The following KCNJ16 variants were observed in gnomAD, a reference collection of about 807,000 sequenced individuals.
KCNJ16 encodes the protein inward rectifier potassium channel 16.
A neutral mutation model predicts 18.5 loss-of-function variants in KCNJ16; 15 were observed. That is an observed-to-expected ratio of 0.81 (90% CI 0.54 to 1.25). The LOEUF is 1.25. Ranked by LOEUF, KCNJ16 falls within the 50% of genes most tolerant of loss-of-function variation. The pLI, the probability that KCNJ16 is intolerant of heterozygous loss-of-function variation, is 0.00. For synonymous variants in KCNJ16, 174 were observed against 186.5 expected, an observed-to-expected ratio of 0.93 and a Z score of 0.55; for missense variants, 523 against 525.7, an observed-to-expected ratio of 0.99 and a Z score of 0.05.
intron 2 of KCNJ16, among the ~76,000 whole-genome samples, chr17:70,107,886 C>G (rs1282127486): frequency 6.6e-6 from 1 of 152,060 alleles, no homozygotes; most frequent in African/African-American, 2.4e-5. Context: ...TCAGAGTTTT[C>G]TAGTTCAACC....
intron 1 of KCNJ16, among the ~76,000 whole-genome samples, chr17:70,082,745 T>C (rs2158970): frequency 0.85 from 129,961 of 152,096 alleles, 55,635 homozygotes; most frequent in East Asian, 0.99. Flanking sequence ...CACACCTGGA[T>C]AGAGTGCTTA....
At chr17:70,095,261 T>C (rs1418211686) in intron 1 of KCNJ16, among the ~76,000 whole-genome samples, 1 of 62,294 alleles carries the variant, frequency 1.6e-5, no homozygotes, top group Non-Finnish European at 3.5e-5. Context: ...GGCCAGACCA[T>C]GTAAGACAAA....
chr17:70,103,043 T>C (rs1598126577), intron 2 of KCNJ16, among the ~76,000 whole-genome samples: 1 of 150,622 alleles, frequency 6.6e-6, no homozygotes, highest in East Asian at 1.9e-4. Context: ...CAAGTGATCC[T>C]GCCACCTTAG....
rs186397813 is a variant in KCNJ16 at position 70,085,567 on chromosome 17, A to C, written c.-300+10177A>C. On this transcript the variant is annotated intron_variant, in intron 1 of 3. Coordinates refer to ENST00000392671, the MANE Select transcript of KCNJ16 (RefSeq NM_170741.4). ...GTTATATTAACACGTTCTTTGGATT[A>C]CATACCCACTAGTCAAGACACCTTT... Among the ~76,000 whole-genome samples the C allele has an allele frequency of 1.5e-3, 232 of 152,344 alleles. No individual in the cohort carries two copies. The Middle Eastern group carries it at 0.02, about 13-fold the overall frequency.
intron 1 of KCNJ16, among the ~76,000 whole-genome samples, chr17:70,089,409 GT>G (rs1218921398): frequency 2.0e-5 from 3 of 152,194 alleles, no homozygotes; most frequent in African/African-American, 7.2e-5. Flanking sequence ...GAGGGAATAA[GT>G]ATGTTTACTT....
chr17:70,093,653 C>T (rs2072225315), intron 1 of KCNJ16, among the ~76,000 whole-genome samples: 1 of 152,090 alleles, frequency 6.6e-6, no homozygotes, highest in Non-Finnish European at 1.5e-5. Flanking sequence ...TCCATGCTTT[C>T]CTTATAAAAG....
chr17:70,115,825 A>G (rs913526842), intron 2 of KCNJ16, among the ~76,000 whole-genome samples: 3 of 152,142 alleles, frequency 2.0e-5, no homozygotes, highest in Non-Finnish European at 2.9e-5. Context: ...AAATGTCACT[A>G]TATTTGTTTT....
rs778328070 is a variant in KCNJ16, at chr17:70,132,783, G to A, written c.696G>A (p.Thr232=). The part of the protein sequence containing the change: ...RYTEDSEGRM[T]MAFKDLKLVN... Reference sequence around the variant, plus strand: ...CAGAAGACAGTGAAGGGAGGATGACGATGGCATTTAAAGACCTCAAATTAG... The same window carrying A: ...CAGAAGACAGTGAAGGGAGGATGACAATGGCATTTAAAGACCTCAAATTAG... The change falls in exon 4 of 4, where the codon ACG becomes ACA. Residue 232 remains threonine (T), a synonymous_variant. Coordinates refer to ENST00000392671, the MANE Select transcript of KCNJ16 (RefSeq NM_170741.4). The A allele has an allele frequency of 4.9e-5, 79 of 1,613,960 alleles. No homozygotes were observed. The highest frequency in any genetic ancestry group is 1.6e-4 in the Middle Eastern group (1 of 6,062).
At chr17:70,104,708 T>A (rs755465903) in intron 2 of KCNJ16, 2 of 152,392 alleles carry the variant, frequency 1.3e-5, no homozygotes, top group Non-Finnish European at 2.9e-5. Context: ...CTTCCAGAGG[T>A]TTGATCAGAA....
chr17:70,120,341 CTCTG>C (rs1268151340), intron 2 of KCNJ16, among the ~76,000 whole-genome samples: 2 of 152,328 alleles, frequency 1.3e-5, no homozygotes, highest in East Asian at 1.9e-4. Flanking sequence ...CTCTTCCACC[CTCTG>C]TCTGTCATTC....
In KCNJ16 at chr17:70,132,206, A is replaced by T. The variant is rs927160852; in HGVS notation, c.119A>T (p.Asp40Val). 1.9e-6 allele frequency: 3 copies of T among 1,614,248 alleles called. No homozygotes were observed. The highest frequency in any genetic ancestry group is 3.3e-5 in the Admixed American group (2 of 60,024). Residue 40 changes from aspartate (D) to valine (V), a missense_variant, in exon 4 of 4, where the codon GAT becomes GTT. By Grantham distance (152) the Asp-to-Val change is radical. Transcript: ENST00000392671. ...RRARRRLLHK[D>V]GSCNVYFKHI... ...GCAAGAAGACGATTACTTCACAAAGATGGCAGCTGTAATGTCTACTTCAAG... is the reference window on the plus strand; with the variant it reads ...GCAAGAAGACGATTACTTCACAAAGTTGGCAGCTGTAATGTCTACTTCAAG...
At chr17:70,092,749 A>G (rs2072182233) in intron 1 of KCNJ16, among the ~76,000 whole-genome samples, 1 of 152,158 alleles carries the variant, frequency 6.6e-6, no homozygotes, top group Non-Finnish European at 1.5e-5. Flanking sequence ...TTGGAAGCCA[A>G]TGGTATAAAT....
At chr17:70,097,648 T>C (rs1313953716) in intron 1 of KCNJ16, among the ~76,000 whole-genome samples, 1 of 152,166 alleles carries the variant, frequency 6.6e-6, no homozygotes, top group African/African-American at 2.4e-5. Flanking sequence ...TCTCTTCAAA[T>C]CTCTACTCTT....
At chr17:70,117,020 C>T (rs571156564) in intron 2 of KCNJ16, among the ~76,000 whole-genome samples, 1 of 152,212 alleles carries the variant, frequency 6.6e-6, no homozygotes, top group East Asian at 1.9e-4. Flanking sequence ...ATAAAGGCAC[C>T]ATTCACAATA....
At chr17:70,086,122 C>G (rs1429002706) in intron 1 of KCNJ16, among the ~76,000 whole-genome samples, 1 of 152,024 alleles carries the variant, frequency 6.6e-6, no homozygotes, top group Non-Finnish European at 1.5e-5. Context: ...TTAATTAATT[C>G]AAGATAATAT....
At chr17:70,084,721 AC>A (rs1196906224) in intron 1 of KCNJ16, among the ~76,000 whole-genome samples, 1 of 152,014 alleles carries the variant, frequency 6.6e-6, no homozygotes, top group Non-Finnish European at 1.5e-5. Context: ...TAATCCACCA[AC>A]CACTTGCCAG....
chr17:70,133,509 G>A lies in KCNJ16; in HGVS notation c.*165G>A. 1 of 588,956 alleles carries A rather than the reference G, an allele frequency of 1.7e-6. No homozygotes were observed. The highest frequency in any genetic ancestry group is 2.9e-6 in the Non-Finnish European group (1 of 346,806). 36.5% of individuals were successfully genotyped at this position (588,956 alleles called of 1,614,324 possible). ...TAAAAGATAATCTAAAAATTCCATA[G>A]TTCTCAGTTATTAAAATTTTTCTTG... On this transcript the variant is annotated 3_prime_UTR_variant, in exon 4 of 4. Coordinates refer to ENST00000392671, the MANE Select transcript of KCNJ16 (RefSeq NM_170741.4).
At chr17:70,089,304 G>A (rs2071977765) in intron 1 of KCNJ16, among the ~76,000 whole-genome samples, 1 of 151,858 alleles carries the variant, frequency 6.6e-6, no homozygotes, top group Non-Finnish European at 1.5e-5. Context: ...GGAATTTTGG[G>A]GTCTAAGCCA....
rs754980121 is a variant in KCNJ16 at position 70,132,501 on chromosome 17, T to C, written c.414T>C (p.Cys138=). Residue 138 remains cysteine (C), a synonymous_variant, in exon 4 of 4, where the codon TGT becomes TGC. Transcript: ENST00000392671. ...TQTTIGYGYR[C]VTEECSVAVL... ...CCACCATAGGATATGGTTATCGCTG[T>C]GTTACTGAAGAATGTTCTGTGGCCG... is the stretch of plus-strand genomic sequence containing the variant. 2 of 1,614,084 alleles carry C rather than the reference T, an allele frequency of 1.2e-6. No individual in the cohort carries two copies. Among genetic ancestry groups the C allele is most frequent in the Admixed American group, 3.3e-5 (2 of 60,006 alleles).
Sources: gnomAD v4.1 joint callset for allele counts (sites outside exome capture counted in the v4.1 genomes callset) on GRCh38, gnomAD v4.1.1 for gene constraint, MANE v1.5 for transcripts, NCBI Gene and HGNC (gene_info 2026-07-23, HGNC 2026-07-21) for gene names.